The following PRDM16 variants were observed in gnomAD, a reference collection of about 807,000 sequenced individuals.
PRDM16 encodes PR/SET domain 16, also known as histone-lysine N-methyltransferase PRDM16.
Under a neutral mutation model 110.6 loss-of-function variants are expected in PRDM16, and 23 were observed. That is an observed-to-expected ratio of 0.21 (90% CI 0.15 to 0.29). The LOEUF (loss-of-function observed/expected upper bound fraction) is 0.29, where lower values mean the gene tolerates loss of function less well. Among genes scored for constraint, PRDM16 ranks in the 10% least tolerant of loss-of-function variants. The probability of loss-of-function intolerance (pLI) is 1.00; values close to 1 mark genes in which losing one functional copy is unlikely to be tolerated. For synonymous variants in PRDM16, 799 were observed against 781.8 expected, an observed-to-expected ratio of 1.02 and a Z score of -0.37; for missense variants, 1,615 against 1,794.3, an observed-to-expected ratio of 0.90 and a Z score of 1.81.
At position 3,402,659 on chromosome 1, in the gene PRDM16, C is replaced by T; in HGVS notation, c.677-132C>T. The T allele has an allele frequency of 1.3e-5, 9 of 697,854 alleles. No individual in the cohort carries two copies. In the South Asian group the frequency reaches 1.7e-4, roughly 13 times the overall value. The allele number at this position is 697,854 out of a possible 1,614,324, so 43.2% of individuals were successfully genotyped here. A position where few individuals can be genotyped will look rare whatever the true frequency, so the allele number is the denominator to read the frequency against. ...CCCCAAGTTGAAGGCTGGAAGGAAG[C>T]AGTGCAGGACTGGCCAGCCTGGGTG... is the stretch of plus-strand genomic sequence containing the variant. On this transcript the variant is annotated intron_variant, in intron 5 of 16. Coordinates refer to ENST00000270722, the MANE Select transcript of PRDM16 (RefSeq NM_022114.4).
chr1:3,279,770 A>G (rs1640669932), intron 3 of PRDM16, among the ~76,000 whole-genome samples: 2 of 151,878 alleles, frequency 1.3e-5, no homozygotes, highest in Non-Finnish European at 1.5e-5. Context: ...CCCTTTCCCC[A>G]TTGCCTGAGG....
intron 1 of PRDM16, among the ~76,000 whole-genome samples, chr1:3,086,346 G>A (rs1410152006): frequency 6.6e-6 from 1 of 152,222 alleles, no homozygotes; most frequent in Non-Finnish European, 1.5e-5. Flanking sequence ...TGCAGGCCAA[G>A]GTTCCCTGCC....
rs564459606 is a variant in PRDM16, at chr1:3,170,772, G to A, written c.38-15353G>A. ...CCTGGCCGCTCCCGTCACCAGGGCT[G>A]GAGGCACACGGACATGGACAGTGCC... On this transcript the variant is annotated intron_variant, in intron 1 of 16. Transcript: ENST00000270722. Among the ~76,000 whole-genome samples, 7 of 152,312 alleles carry A rather than the reference G, an allele frequency of 4.6e-5. No individual in the cohort carries two copies. The South Asian group carries it at 1.5e-3, about 32-fold the overall frequency.
intron 1 of PRDM16, among the ~76,000 whole-genome samples, chr1:3,100,171 G>A (rs1198598779): frequency 6.6e-6 from 1 of 152,104 alleles, no homozygotes; most frequent in Non-Finnish European, 1.5e-5. Context: ...TTCCTCCCTG[G>A]CTGGAGAGGT....
chr1:3,164,815 G>C (rs1264730809), intron 1 of PRDM16, among the ~76,000 whole-genome samples: 2 of 152,152 alleles, frequency 1.3e-5, no homozygotes, highest in African/African-American at 2.4e-5. Context: ...AGGTCGCAGT[G>C]CTCCACCCAC....
chr1:3,375,494 G>C (rs999801504), intron 3 of PRDM16, among the ~76,000 whole-genome samples: 1 of 152,242 alleles, frequency 6.6e-6, no homozygotes, highest in Non-Finnish European at 1.5e-5. Flanking sequence ...GAGGTGCCAC[G>C]AAGGACGAGC....
intron 1 of PRDM16, among the ~76,000 whole-genome samples, chr1:3,119,991 T>G (rs1198384433): frequency 6.9e-6 from 1 of 145,970 alleles, no homozygotes; most frequent in East Asian, 1.9e-4. Flanking sequence ...GCTGCAGCCC[T>G]GCCTGCCTGC....
intron 1 of PRDM16, among the ~76,000 whole-genome samples, chr1:3,127,498 G>A (rs534994173): frequency 6.6e-6 from 1 of 152,322 alleles, no homozygotes; most frequent in African/African-American, 2.4e-5. Context: ...TTACCAGCGA[G>A]CCACAGCCTA....
At chr1:3,332,141 C>T (rs992775782) in intron 3 of PRDM16, among the ~76,000 whole-genome samples, 2 of 152,358 alleles carry the variant, frequency 1.3e-5, no homozygotes, top group South Asian at 2.1e-4. Flanking sequence ...TTTCAGGCTC[C>T]GCATCTCCCA....
intron 5 of PRDM16, among the ~76,000 whole-genome samples, chr1:3,401,420 G>A (rs541645114): frequency 1.3e-5 from 2 of 152,298 alleles, no homozygotes; most frequent in Admixed American, 6.5e-5. Context: ...TCGTGCACGT[G>A]CATACACACC....
intron 1 of PRDM16, among the ~76,000 whole-genome samples, chr1:3,088,805 G>A (rs557603298): frequency 7.1e-6 from 1 of 140,012 alleles, no homozygotes; most frequent in Non-Finnish European, 1.5e-5. Flanking sequence ...TTTATTTTTT[G>A]GAGATGGGGT....
intron 1 of PRDM16, among the ~76,000 whole-genome samples, chr1:3,136,062 T>G (rs1372639091): frequency 6.7e-6 from 1 of 149,338 alleles, no homozygotes; most frequent in Non-Finnish European, 1.5e-5. Flanking sequence ...GACACCAGGC[T>G]GGGGCGGGGC....
chr1:3,181,349 G>C (rs1231639670), intron 1 of PRDM16, among the ~76,000 whole-genome samples: 2 of 49,646 alleles, frequency 4.0e-5, no homozygotes, highest in Non-Finnish European at 7.5e-5. Flanking sequence ...CTTACACACG[G>C]TCTTACACAC....
chr1:3,182,968 G>T (rs1297456913), intron 1 of PRDM16, among the ~76,000 whole-genome samples: 1 of 152,100 alleles, frequency 6.6e-6, no homozygotes, highest in Non-Finnish European at 1.5e-5. Context: ...AATTCCACAG[G>T]TCTCCCCATA....
intron 16 of PRDM16, among the ~76,000 whole-genome samples, 174 bp from the exon 17 acceptor site, chr1:3,433,503 G>A (rs913693046): frequency 6.9e-6 from 1 of 145,602 alleles, no homozygotes; most frequent in East Asian, 2.7e-4. Flanking sequence ...GGGATGGCCC[G>A]CCCTGCCCAC....
rs1642017513 is a variant in PRDM16, at chr1:3,081,143, G to A, written c.37+11847G>A. Among the ~76,000 whole-genome samples the A allele has an allele frequency of 6.6e-6, 1 of 152,230 alleles. No homozygotes were observed. The highest frequency in any genetic ancestry group is 1.5e-5 in the Non-Finnish European group (1 of 68,042). On this transcript the variant is annotated intron_variant, in intron 1 of 16. Coordinates refer to ENST00000270722, the MANE Select transcript of PRDM16 (RefSeq NM_022114.4). This position sits in a 1 kb window ranked among gnomAD's most constrained non-coding sequence, Gnocchi z 4.6. ...GAGTCTTAACTTTCCCTCCGTCGAA[G>A]GTGTTAGTCTTACCTTCCCGAGGTT...
intron 1 of PRDM16, among the ~76,000 whole-genome samples, chr1:3,165,319 A>G (rs538347175): frequency 6.5e-5 from 9 of 139,228 alleles, no homozygotes; most frequent in Non-Finnish European, 9.4e-5. Flanking sequence ...ACAGGGTTGC[A>G]CTTGGCCTCA....
At chr1:3,314,665 G>A (rs1022469114) in intron 3 of PRDM16, among the ~76,000 whole-genome samples, 3 of 151,564 alleles carry the variant, frequency 2.0e-5, no homozygotes, top group Admixed American at 6.6e-5. Flanking sequence ...TCCCCTAATC[G>A]CCTTCGCCCC....
Position 3,431,215 on chromosome 1 carries a change from C to T in PRDM16, c.3521+107C>T, listed in dbSNP as rs1432693733. The T allele has an allele frequency of 4.1e-6, 6 of 1,465,630 alleles. No homozygotes were observed. The Admixed American group carries it at 1.1e-4, about 26-fold the overall frequency. The allele number at this position is 1,465,630 out of a possible 1,614,324, so 90.8% of individuals were successfully genotyped here. The stretch of plus-strand genomic sequence containing the variant: ...CTCGTGAGCCCATCCCTGGCTCAGC[C>T]CCTACTCCAGCACAGCCACCTCAGG... On this transcript the variant is annotated intron_variant, in intron 15 of 16. Coordinates refer to ENST00000270722, the MANE Select transcript of PRDM16 (RefSeq NM_022114.4).
Sources: gnomAD v4.1 joint callset for allele counts (sites outside exome capture counted in the v4.1 genomes callset) on GRCh38, gnomAD v4.1.1 for gene constraint, Gnocchi (gnomAD v3.1) non-coding constraint, MANE v1.5 for transcripts, NCBI Gene and HGNC (gene_info 2026-07-23, HGNC 2026-07-21) for gene names.